LSAMP: variants seen among roughly 807,000 people sequenced by gnomAD.
LSAMP encodes limbic system-associated membrane protein.
In LSAMP, 7 loss-of-function variants were observed where a neutral mutation model predicts 38.6. The ratio of observed to expected loss-of-function variants is 0.18; its 90% CI spans 0.10 to 0.34. The LOEUF (loss-of-function observed/expected upper bound fraction) is 0.34, where lower values mean the gene tolerates loss of function less well. LSAMP is among the 10% of genes least tolerant of loss of function. The pLI, the probability that LSAMP is intolerant of heterozygous loss-of-function variation, is 1.00. For missense variants in LSAMP, 313 were observed against 420.0 expected, an observed-to-expected ratio of 0.75 and a Z score of 2.23; for synonymous variants, 154 against 166.8, an observed-to-expected ratio of 0.92 and a Z score of 0.59.
intron 3 of LSAMP, among the ~76,000 whole-genome samples, chr3:115,868,187 TGAATGCTATCACA>T (rs1935915402): frequency 6.6e-6 from 1 of 152,114 alleles, no homozygotes; most frequent in Non-Finnish European, 1.5e-5. Context: ...GGAGAACTGT[TGAATGCTATCACA>T]GAAAGAGCTG....
intron 1 of LSAMP, among the ~76,000 whole-genome samples, chr3:116,397,938 AC>A (rs1337134679): frequency 6.6e-6 from 1 of 151,894 alleles, no homozygotes; most frequent in East Asian, 1.9e-4. Flanking sequence ...CCTGCCTTCC[AC>A]TTGAGTGCTT....
At chr3:116,122,630 A>G (rs1708909868) in intron 1 of LSAMP, among the ~76,000 whole-genome samples, 1 of 152,236 alleles carries the variant, frequency 6.6e-6, no homozygotes, top group Non-Finnish European at 1.5e-5. Flanking sequence ...CATTACCATT[A>G]CTTAGAAAGT....
intron 1 of LSAMP, among the ~76,000 whole-genome samples, chr3:116,185,010 TTTTC>T (rs200486380): frequency 1.6e-4 from 24 of 147,310 alleles, no homozygotes; most frequent in South Asian, 6.4e-4. Context: ...ACTGCAGATT[TTTTC>T]TTTCTTTCTT....
At chr3:116,084,075 C>T (rs72959749) in intron 2 of LSAMP, among the ~76,000 whole-genome samples, 10,127 of 152,108 alleles carry the variant, frequency 0.067, 1,103 homozygotes, top group African/African-American at 0.23. Flanking sequence ...AAACCCTGTC[C>T]TAAGCCTACA....
intron 3 of LSAMP, among the ~76,000 whole-genome samples, chr3:115,967,445 A>G (rs558416673): frequency 6.6e-6 from 1 of 151,990 alleles, no homozygotes; most frequent in Non-Finnish European, 1.5e-5. Context: ...ACTTCCCTAC[A>G]TTTTCCTTTC....
At chr3:116,099,807 A>T (rs1024463108) in intron 1 of LSAMP, among the ~76,000 whole-genome samples, 1 of 151,920 alleles carries the variant, frequency 6.6e-6, no homozygotes, top group Non-Finnish European at 1.5e-5. Context: ...ACTTTTATAC[A>T]TTGTTTTTCT....
intron 3 of LSAMP, among the ~76,000 whole-genome samples, chr3:115,945,090 A>G (rs1938051398): frequency 6.6e-6 from 1 of 152,052 alleles, no homozygotes. Context: ...AGTACCTTCC[A>G]TAAAACTCAT....
chr3:115,823,034 G>A (rs757569597), intron 6 of LSAMP, among the ~76,000 whole-genome samples: 8 of 152,136 alleles, frequency 5.3e-5, no homozygotes, highest in South Asian at 4.1e-4. Context: ...GTTGAAAAAC[G>A]TGAATAAAAT....
At chr3:115,824,696 C>G (rs1372274893) in intron 6 of LSAMP, among the ~76,000 whole-genome samples, 1 of 142,776 alleles carries the variant, frequency 7.0e-6, no homozygotes, top group Admixed American at 7.3e-5. Context: ...GGTGACAGGG[C>G]GAGACTCCGT....
intron 1 of LSAMP, among the ~76,000 whole-genome samples, chr3:116,429,196 A>G (rs2049244639): frequency 6.6e-6 from 1 of 152,230 alleles, no homozygotes; most frequent in South Asian, 2.1e-4. Context: ...CAGGAAAGAG[A>G]CTGGTTTCAT....
chr3:116,234,887 C>T (rs2046446264), intron 1 of LSAMP, among the ~76,000 whole-genome samples: 1 of 151,978 alleles, frequency 6.6e-6, no homozygotes, highest in Non-Finnish European at 1.5e-5. Flanking sequence ...AAGTTTGGAA[C>T]ACTCAAATAA....
At chr3:115,889,305 T>C (rs1039822997) in intron 3 of LSAMP, among the ~76,000 whole-genome samples, 2 of 152,000 alleles carry the variant, frequency 1.3e-5, no homozygotes, top group Admixed American at 6.6e-5. Context: ...AATGCGCTTA[T>C]GCTGGGTGAT....
chr3:116,210,898 C>T (rs1384621689), intron 1 of LSAMP, among the ~76,000 whole-genome samples: 2 of 151,884 alleles, frequency 1.3e-5, no homozygotes, highest in Admixed American at 6.6e-5. Flanking sequence ...CATTGCAGCA[C>T]TGTTCAAAAT....
chr3:115,979,503 G>T (rs905596755), intron 3 of LSAMP, among the ~76,000 whole-genome samples: 1 of 152,174 alleles, frequency 6.6e-6, no homozygotes, highest in Non-Finnish European at 1.5e-5. Context: ...CAGTTGATAT[G>T]AGAAAGCATG....
intron 1 of LSAMP, among the ~76,000 whole-genome samples, chr3:116,166,786 T>TG (rs1553709677): frequency 3.4e-5 from 5 of 146,752 alleles, no homozygotes; most frequent in African/African-American, 1.2e-4. Context: ...GTTTTTTTTT[T>TG]GTTTTTTTTT....
At chr3:116,280,586 G>A (rs940474329) in intron 1 of LSAMP, among the ~76,000 whole-genome samples, 1 of 152,204 alleles carries the variant, frequency 6.6e-6, no homozygotes, top group South Asian at 2.1e-4. Flanking sequence ...TGTGCTATTC[G>A]ATGATACTTA....
At chr3:115,822,856 A>G (rs1934290801) in intron 6 of LSAMP, among the ~76,000 whole-genome samples, 1 of 152,180 alleles carries the variant, frequency 6.6e-6, no homozygotes, top group Non-Finnish European at 1.5e-5. Context: ...TCTTCTTTAT[A>G]GTTGTCTGTG....
At chr3:116,109,238 TG>T (rs1708540965) in intron 1 of LSAMP, among the ~76,000 whole-genome samples, 1 of 151,870 alleles carries the variant, frequency 6.6e-6, no homozygotes, top group Admixed American at 6.5e-5. Context: ...GCTGGGCAGG[TG>T]GGGGAGGGCT....
chr3:116,256,436 T>C (rs1461127), intron 1 of LSAMP, among the ~76,000 whole-genome samples: 150,338 of 152,332 alleles, frequency 0.99, 74,228 homozygotes, highest in Middle Eastern at 1. Context: ...GCCGTGACCT[T>C]GCAAGTGTTT....
Sources: gnomAD v4.1 joint callset for allele counts (sites outside exome capture counted in the v4.1 genomes callset) on GRCh38, gnomAD v4.1.1 for gene constraint, MANE v1.5 for transcripts, NCBI Gene and HGNC (gene_info 2026-07-23, HGNC 2026-07-21) for gene names.